Variants in AFG1L observed in about 807,000 individuals in gnomAD.
AFG1L encodes the protein AFG1-like ATPase.
AFG1L carries 53 observed loss-of-function variants against 62.2 expected under a neutral mutation model. That is an observed-to-expected ratio of 0.85 (90% CI 0.68 to 1.07). The LOEUF (loss-of-function observed/expected upper bound fraction) is 1.07. Among genes scored for constraint, AFG1L ranks in the 50% least tolerant of loss-of-function variants. The pLI, the probability that AFG1L is intolerant of heterozygous loss-of-function variation, is 0.00. For missense variants in AFG1L, 555 were observed against 590.5 expected (o/e 0.94, Z 0.62); for synonymous variants, 228 against 210.3 (o/e 1.08, Z -0.73).
intron 7 of AFG1L, among the ~76,000 whole-genome samples, chr6:108,409,097 A>G (rs1212733466): frequency 6.6e-6 from 1 of 152,230 alleles, no homozygotes; most frequent in African/African-American, 2.4e-5. Flanking sequence ...GCAAGGGTAC[A>G]TCTATTCCTA....
intron 1 of AFG1L, among the ~76,000 whole-genome samples, chr6:108,309,789 C>T (rs921626764): frequency 6.6e-6 from 1 of 151,970 alleles, no homozygotes; most frequent in African/African-American, 2.4e-5. Flanking sequence ...AAAAAGAACA[C>T]AAAATATCTT....
chr6:108,459,523 A>G (rs1276651438), intron 8 of AFG1L, among the ~76,000 whole-genome samples: 2 of 152,210 alleles, frequency 1.3e-5, no homozygotes, highest in African/African-American at 4.8e-5. Context: ...TATTCCCATC[A>G]TGGCCAGAAG....
chr6:108,392,076 C>G (rs1468462107), intron 6 of AFG1L: 1 of 152,074 alleles, frequency 6.6e-6, no homozygotes, highest in East Asian at 1.9e-4. Context: ...GATTGCTGTG[C>G]TTGCTTTGGA....
chr6:108,408,224 A>G (rs1186487859), intron 7 of AFG1L, among the ~76,000 whole-genome samples: 1 of 150,818 alleles, frequency 6.6e-6, no homozygotes, highest in Non-Finnish European at 1.5e-5. Context: ...GGGTGAATGT[A>G]GATTAGCCAT....
chr6:108,356,668 T>C, intron 4 of AFG1L, 22 bp from the exon 5 acceptor site: 1 of 1,553,808 alleles, frequency 6.4e-7, no homozygotes, highest in Non-Finnish European at 8.7e-7. Flanking sequence ...ATTTCATCTG[T>C]GTTTAATTTC....
intron 6 of AFG1L, among the ~76,000 whole-genome samples, chr6:108,373,734 G>T (rs1221588373): frequency 7.7e-6 from 1 of 130,532 alleles, no homozygotes; most frequent in East Asian, 2.3e-4. Context: ...GCGCCACCAT[G>T]CCCGGCTAAT....
At chr6:108,511,562 G>A (rs748931247) in intron 11 of AFG1L, among the ~76,000 whole-genome samples, 2 of 152,166 alleles carry the variant, frequency 1.3e-5, no homozygotes, top group Admixed American at 6.5e-5. Flanking sequence ...CCTATGGTAC[G>A]CTCTCAGTAA....
chr6:108,401,672 A>G (rs929697870), intron 6 of AFG1L, among the ~76,000 whole-genome samples: 1 of 152,158 alleles, frequency 6.6e-6, no homozygotes, highest in Non-Finnish European at 1.5e-5. Flanking sequence ...TAAATGCTTG[A>G]TATCTAATCT....
At chr6:108,385,108 A>G (rs1375679844) in intron 6 of AFG1L, among the ~76,000 whole-genome samples, 1 of 152,280 alleles carries the variant, frequency 6.6e-6, no homozygotes, top group Admixed American at 6.5e-5. Context: ...AATTAAGCAC[A>G]CTTTAGTAAA....
intron 6 of AFG1L, among the ~76,000 whole-genome samples, chr6:108,396,880 A>T (rs560160733): frequency 1.9e-4 from 29 of 152,152 alleles, no homozygotes; most frequent in Non-Finnish European, 4.1e-4. Flanking sequence ...GGAAAACTGG[A>T]TATACCATCC....
intron 6 of AFG1L, among the ~76,000 whole-genome samples, chr6:108,396,862 C>G (rs1424678418): frequency 2.0e-5 from 3 of 152,032 alleles, no homozygotes; most frequent in African/African-American, 7.2e-5. Context: ...TGGTAATATT[C>G]ACATCATGGA....
chr6:108,383,453 A>G (rs1780632825), intron 6 of AFG1L, among the ~76,000 whole-genome samples: 1 of 152,164 alleles, frequency 6.6e-6, no homozygotes. Context: ...TGATAAAAGA[A>G]AGCAAAATGA....
At chr6:108,446,102 A>ACC (rs1226871783) in intron 7 of AFG1L, among the ~76,000 whole-genome samples, 4 of 126,352 alleles carry the variant, frequency 3.2e-5, no homozygotes, top group African/African-American at 8.6e-5. Context: ...ACACACACAC[A>ACC]CCCCTACATA....
intron 6 of AFG1L, among the ~76,000 whole-genome samples, chr6:108,377,826 T>C (rs1780316093): frequency 6.6e-6 from 1 of 151,800 alleles, no homozygotes; most frequent in Non-Finnish European, 1.5e-5. Flanking sequence ...TCCTTTTTTT[T>C]TTTTTTGACA....
At chr6:108,421,155 A>G (rs1049755193) in intron 7 of AFG1L, among the ~76,000 whole-genome samples, 3 of 152,192 alleles carry the variant, frequency 2.0e-5, no homozygotes, top group African/African-American at 7.2e-5. Context: ...AAGCATGAGG[A>G]GAAGCTCCTG....
intron 10 of AFG1L, among the ~76,000 whole-genome samples, chr6:108,505,946 A>G (rs1395168083): frequency 2.0e-5 from 3 of 152,244 alleles, no homozygotes; most frequent in Non-Finnish European, 2.9e-5. Flanking sequence ...TCTGACATTT[A>G]TGGAGAAAAA....
At chr6:108,434,470 A>T (rs888226063) in intron 7 of AFG1L, among the ~76,000 whole-genome samples, 2 of 152,050 alleles carry the variant, frequency 1.3e-5, no homozygotes, top group Middle Eastern at 3.2e-3. Flanking sequence ...CTCATTCTTT[A>T]CCTTTAAAGC....
At chr6:108,437,875 C>G (rs1286593092) in intron 7 of AFG1L, among the ~76,000 whole-genome samples, 1 of 152,106 alleles carries the variant, frequency 6.6e-6, no homozygotes, top group East Asian at 1.9e-4. Flanking sequence ...AGTGGGAGGA[C>G]CATGGATTTG....
chr6:108,457,031 CAACACTCTTAA>C (rs1772279786), intron 8 of AFG1L, among the ~76,000 whole-genome samples: 1 of 152,128 alleles, frequency 6.6e-6, no homozygotes, highest in African/African-American at 2.4e-5. Flanking sequence ...AATCACCTAA[CAACACTCTTAA>C]AACATATCAC....
Sources: allele counts gnomAD v4.1 joint callset (sites outside exome capture counted in the v4.1 genomes callset), GRCh38; gene constraint gnomAD v4.1.1; transcripts MANE v1.5; gene names NCBI Gene and HGNC (gene_info 2026-07-23, HGNC 2026-07-21).